The following KREMEN1 variants were observed in gnomAD, a reference collection of about 807,000 sequenced individuals.
KREMEN1 encodes the protein kremen protein 1.
A neutral mutation model predicts 46.5 loss-of-function variants in KREMEN1; 30 were observed. The ratio of observed to expected loss-of-function variants is 0.65; its 90% confidence interval spans 0.48 to 0.88. The LOEUF (loss-of-function observed/expected upper bound fraction) is 0.88. KREMEN1 is among the 40% of genes least tolerant of loss of function. KREMEN1 has a pLI of 0.00. For synonymous variants in KREMEN1, 214 were observed against 230.6 expected (o/e 0.93, Z 0.65); for missense variants, 533 against 596.9 (o/e 0.89, Z 1.11).
At chr22:29,099,547 C>CTTTTTTTTTTTTTT (rs56950687) in intron 3 of KREMEN1, 9 of 108,822 alleles carry the variant, frequency 8.3e-5, no homozygotes, top group African/African-American at 1.5e-4. Context: ...ACTTTTTTTC[C>CTTTTTTTTTTTTTT]TTTTTTTTTT....
chr22:29,104,319 G>A (rs1393741058), intron 3 of KREMEN1, among the ~76,000 whole-genome samples: 1 of 151,916 alleles, frequency 6.6e-6, no homozygotes, highest in African/African-American at 2.4e-5. Context: ...ATCACACCTG[G>A]ATGATTTTTG....
intron 5 of KREMEN1, 43 bp downstream of exon 5, chr22:29,125,459 C>T: frequency 6.2e-7 from 1 of 1,601,232 alleles, no homozygotes; most frequent in East Asian, 2.2e-5. Context: ...GCACAGGAAC[C>T]CTTGGACCAG....
chr22:29,108,446 G>C (rs781004913), intron 3 of KREMEN1, among the ~76,000 whole-genome samples: 3 of 152,194 alleles, frequency 2.0e-5, no homozygotes, highest in Non-Finnish European at 4.4e-5. Context: ...TAGGCACAAT[G>C]ACTCTCAGTT....
Position 29,146,065 on chromosome 22 carries a change from GTC to G in KREMEN1, c.*3955_*3956del. 1 of 985,896 alleles carries G rather than the reference GTC, an allele frequency of 1.0e-6. No individual in the cohort carries two copies. The highest frequency in any genetic ancestry group is 1.2e-6 in the Non-Finnish European group (1 of 830,026). The allele number at this position is 985,896 out of a possible 1,614,324, so 61.1% of individuals were successfully genotyped here. ...TGGCCTCCGAGACCCTGCCTCCCTG[GTC>G]TGCTGAGGTCAGGCCAGGTCTCCCA... On this transcript the variant is annotated 3_prime_UTR_variant, in exon 9 of 9. Transcript: ENST00000400335.
chr22:29,138,779 C>A lies in KREMEN1; in HGVS notation c.1120C>A (p.Pro374Thr). Residue 374 changes from proline to threonine, a missense_variant, in exon 7 of 9, where the codon CCA becomes ACA. Coordinates refer to ENST00000400335, the MANE Select transcript of KREMEN1 (RefSeq NM_001039570.3). ...TSPSHPPQTV[P>T]GWTVYGLATL... ...CCCCAGCCACCCACCTCAGACTGTC[C>A]CAGGTAGCAATTCCTGGGCGCCACC... 1 of 1,614,198 alleles carries A rather than the reference C, an allele frequency of 6.2e-7. No homozygotes were observed. The highest frequency in any genetic ancestry group is 8.5e-7 in the Non-Finnish European group (1 of 1,180,040).
chr22:29,114,704 G>A lies in KREMEN1; in HGVS notation c.353-6653G>A, dbSNP rs143376037. 5.9e-5 allele frequency among the ~76,000 whole-genome samples: 9 copies of A among 152,204 alleles called. No individual in the cohort carries two copies. The East Asian group carries it at 1.5e-3, about 26-fold the overall frequency. On this transcript the variant is annotated intron_variant, in intron 3 of 8. Transcript: ENST00000400335. Reference sequence around the variant, plus strand: ...ATGGTATTTTGTTATAGCAGTCTGCGTGGACTGAGACAGCAACCAAAAGAC... The same window carrying A: ...ATGGTATTTTGTTATAGCAGTCTGCATGGACTGAGACAGCAACCAAAAGAC...
chr22:29,128,062 G>A (rs1230201384), intron 5 of KREMEN1, among the ~76,000 whole-genome samples: 2 of 152,156 alleles, frequency 1.3e-5, no homozygotes, highest in African/African-American at 4.8e-5. Context: ...CAGATTCCGG[G>A]TTGCCAAGGG....
chr22:29,137,772 T>C (rs184405133), intron 6 of KREMEN1, 98 bp downstream of exon 6: 3 of 985,292 alleles, frequency 3.0e-6, no homozygotes, highest in East Asian at 2.7e-5. Flanking sequence ...GCGGGGCAGA[T>C]TGGGCCTCAG....
At chr22:29,095,339 G>T (rs2037868355) in intron 2 of KREMEN1, among the ~76,000 whole-genome samples, 1 of 152,194 alleles carries the variant, frequency 6.6e-6, no homozygotes, top group South Asian at 2.1e-4. Context: ...ATTTCCTGGG[G>T]ATGATCCATA....
chr22:29,146,848 T>C, downstream of KREMEN1: 1 of 942,710 alleles, frequency 1.1e-6, no homozygotes, highest in Non-Finnish European at 1.3e-6. Flanking sequence ...GTCATTTCTA[T>C]GGGAGTTCCC....
At chr22:29,155,421 G>C (rs1225589653) in intron 9 of KREMEN1, among the ~76,000 whole-genome samples, 2 of 152,090 alleles carry the variant, frequency 1.3e-5, no homozygotes, top group Non-Finnish European at 2.9e-5. Context: ...TGTAGTCCTA[G>C]CTACTCAGGA....
Position 29,099,979 on chromosome 22 carries a change from G to A in KREMEN1, c.352+1026G>A, listed in dbSNP as rs544762409. Reference sequence around the variant, plus strand: ...ACACAAAACAGACCACATATACAATGGTGGTCCCATATGGAGTATCTCAAC... The same window carrying A: ...ACACAAAACAGACCACATATACAATAGTGGTCCCATATGGAGTATCTCAAC... On this transcript the variant is annotated intron_variant, in intron 3 of 8. Transcript: ENST00000400335. Among the ~76,000 whole-genome samples, 3 of 152,222 alleles carry A rather than the reference G, an allele frequency of 2.0e-5. No homozygotes were observed. In the East Asian group the frequency reaches 5.8e-4, roughly 29 times the overall value.
chr22:29,131,089 A>G (rs529728184), intron 5 of KREMEN1, among the ~76,000 whole-genome samples: 1 of 152,278 alleles, frequency 6.6e-6, no homozygotes, highest in East Asian at 1.9e-4. Flanking sequence ...AGAATACCCA[A>G]CACTTACTGA....
chr22:29,140,533 A>G (rs1383178000), intron 8 of KREMEN1, among the ~76,000 whole-genome samples, 167 bp downstream of exon 8: 2 of 152,254 alleles, frequency 1.3e-5, no homozygotes, highest in African/African-American at 4.8e-5. Flanking sequence ...TTGTAGAGTG[A>G]AATGTACAAC....
chr22:29,119,032 A>T (rs1436120833), intron 3 of KREMEN1, among the ~76,000 whole-genome samples: 3 of 152,142 alleles, frequency 2.0e-5, no homozygotes, highest in Non-Finnish European at 4.4e-5. Context: ...TCAGGGAAAC[A>T]CACTTACCAG....
chr22:29,091,643 C>T (rs993616904), intron 1 of KREMEN1, among the ~76,000 whole-genome samples: 1 of 152,132 alleles, frequency 6.6e-6, no homozygotes, highest in African/African-American at 2.4e-5. Context: ...CCTGGGCTGC[C>T]TTTCAGAAAT....
At chr22:29,156,851 G>T (rs988417490) in intron 9 of KREMEN1, among the ~76,000 whole-genome samples, 1 of 152,144 alleles carries the variant, frequency 6.6e-6, no homozygotes, top group African/African-American at 2.4e-5. Flanking sequence ...TATTTCCTTT[G>T]ACTCTCCCAG....
At chr22:29,082,468 A>T (rs1283494990) in intron 1 of KREMEN1, among the ~76,000 whole-genome samples, 1 of 152,158 alleles carries the variant, frequency 6.6e-6, no homozygotes, top group African/African-American at 2.4e-5. Context: ...AGAACTTCTC[A>T]TAGGTATTGC....
rs6006015 is a variant in KREMEN1 at position 29,131,935 on chromosome 22, C to T, written c.632-5407C>T. Among the ~76,000 whole-genome samples the T allele has an allele frequency of 7.2e-3, 919 of 127,670 alleles. 14 individuals carry two copies. Among genetic ancestry groups the T allele is most frequent in the African/African-American group, 0.026 (850 of 33,122 alleles). The allele number at this position is 127,670 out of a possible 152,430, so 83.8% of individuals were successfully genotyped here. A position where few individuals can be genotyped will look rare whatever the true frequency, so the allele number is the denominator to read the frequency against. ...TTGCCCAGTCTAGAGTGCAATGGCG[C>T]GATCTTGGCTCACAGCAACCTCCGC... On this transcript the variant is annotated intron_variant, in intron 5 of 8. Transcript: ENST00000400335.
Sources: gnomAD v4.1 joint callset for allele counts (sites outside exome capture counted in the v4.1 genomes callset) on GRCh38, gnomAD v4.1.1 for gene constraint, MANE v1.5 for transcripts, NCBI Gene and HGNC (gene_info 2026-07-23, HGNC 2026-07-21) for gene names.